WWP2: variants seen among roughly 807,000 people sequenced by gnomAD.
The protein encoded by WWP2 is NEDD4-like E3 ubiquitin-protein ligase WWP2.
Under a neutral mutation model 121.0 loss-of-function variants are expected in WWP2, and 57 were observed. The ratio of observed to expected loss-of-function variants is 0.47; its 90% CI spans 0.38 to 0.59. The LOEUF (loss-of-function observed/expected upper bound fraction) is 0.59, where lower values mean the gene tolerates loss of function less well. WWP2 is among the 20% of genes least tolerant of loss of function. WWP2 has a pLI of 0.00. For synonymous variants in WWP2, 449 were observed against 441.3 expected (o/e 1.02, Z -0.22); for missense variants, 962 against 1,158.9 (o/e 0.83, Z 2.47).
intron 7 of WWP2, among the ~76,000 whole-genome samples, chr16:69,874,567 CAA>C (rs955950187): frequency 2.6e-5 from 4 of 152,078 alleles, no homozygotes; most frequent in African/African-American, 7.2e-5. Flanking sequence ...TTTTATAAAA[CAA>C]GAGTGAATGG....
intron 10 of WWP2, among the ~76,000 whole-genome samples, chr16:69,922,593 C>T (rs1404555331): frequency 6.6e-6 from 1 of 152,238 alleles, no homozygotes. Context: ...AACACCTTGA[C>T]ATCTCTCATT....
chr16:69,927,128 CAT>C (rs1274291602), intron 11 of WWP2, among the ~76,000 whole-genome samples: 10 of 152,162 alleles, frequency 6.6e-5, no homozygotes, highest in Non-Finnish European at 1.5e-4. Context: ...ACAAAACTGT[CAT>C]AGTCTAGAAT....
intron 13 of WWP2, 21 bp downstream of exon 13, chr16:69,930,279 G>A: frequency 3.1e-6 from 5 of 1,612,128 alleles, no homozygotes; most frequent in Non-Finnish European, 4.2e-6. Flanking sequence ...TGTGCAGGTA[G>A]CAGCAGTGTC....
intron 1 of WWP2, among the ~76,000 whole-genome samples, chr16:69,764,188 C>A (rs1372619075): frequency 1.3e-5 from 2 of 152,172 alleles, no homozygotes; most frequent in East Asian, 3.8e-4. Flanking sequence ...TTTATTGACA[C>A]AATAGAAAAT....
rs369017046 is a variant in WWP2, at chr16:69,935,169, T to A, written c.1843-684T>A. The stretch of plus-strand genomic sequence containing the variant: ...TAGCTGGAGATGTTTCAATTCTCCT[T>A]TCCTTCGCTTCTTCCCCTGCCTTCC... On this transcript the variant is annotated intron_variant, in intron 17 of 23. Coordinates refer to ENST00000359154, the MANE Select transcript of WWP2 (RefSeq NM_001270454.2). This position sits in a 1 kb window ranked among gnomAD's most constrained non-coding sequence, Gnocchi z 5.2. Among the ~76,000 whole-genome samples, 188 of 152,282 alleles carry A rather than the reference T, an allele frequency of 1.2e-3. 1 individual carries two copies. Among genetic ancestry groups the A allele is most frequent in the African/African-American group, 4.4e-3 (183 of 41,566 alleles).
intron 6 of WWP2, among the ~76,000 whole-genome samples, chr16:69,855,133 C>T (rs964822984): frequency 4.6e-5 from 7 of 152,234 alleles, no homozygotes; most frequent in South Asian, 2.1e-4. Context: ...AGGCATGAGC[C>T]GCTGAGCCCC....
chr16:69,897,078 A>G (rs1035554104), intron 8 of WWP2, among the ~76,000 whole-genome samples: 2 of 151,700 alleles, frequency 1.3e-5, no homozygotes, highest in Non-Finnish European at 2.9e-5. Context: ...TGCATTTGCT[A>G]CAGGTCTCTC....
chr16:69,887,121 T>A (rs139189289), intron 7 of WWP2, among the ~76,000 whole-genome samples: 2 of 152,204 alleles, frequency 1.3e-5, no homozygotes, highest in Non-Finnish European at 2.9e-5. Context: ...ATCAAAGAGG[T>A]GAAGAGATGG....
chr16:69,872,750 G>A (rs911577512), intron 7 of WWP2, among the ~76,000 whole-genome samples: 3 of 152,164 alleles, frequency 2.0e-5, no homozygotes, highest in Non-Finnish European at 4.4e-5. Context: ...TCCCGATGGG[G>A]GCCCCATTTG....
chr16:69,815,618 C>G (rs570311744), intron 4 of WWP2, among the ~76,000 whole-genome samples: 82 of 151,956 alleles, frequency 5.4e-4, no homozygotes, highest in African/African-American at 1.9e-3. Flanking sequence ...AAACCCCCGT[C>G]TCTACTAAAA....
At position 69,940,015 on chromosome 16, in the gene WWP2, C is replaced by T. The variant is rs1039551204; in HGVS notation, c.*75C>T. 9 of 1,303,196 alleles carry T rather than the reference C, an allele frequency of 6.9e-6. No individual in the cohort carries two copies. Among genetic ancestry groups the T allele is most frequent in the South Asian group, 1.4e-5 (1 of 73,780 alleles). The allele number at this position is 1,303,196 out of a possible 1,614,324, so 80.7% of individuals were successfully genotyped here. A position where few individuals can be genotyped will look rare whatever the true frequency, so the allele number is the denominator to read the frequency against. The stretch of plus-strand genomic sequence containing the variant: ...TCCCTGCCTGAGAGGCCACTGGCCC[C>T]GCAGCCCTTGGGAGGCCCCCGTGGA... On this transcript the variant is annotated 3_prime_UTR_variant, in exon 24 of 24. Coordinates refer to ENST00000359154, the MANE Select transcript of WWP2 (RefSeq NM_001270454.2).
chr16:69,900,780 T>G (rs983224100), intron 8 of WWP2, among the ~76,000 whole-genome samples: 2 of 152,150 alleles, frequency 1.3e-5, no homozygotes, highest in African/African-American at 4.8e-5. Flanking sequence ...CGCCTTGGCC[T>G]CCCAAAGTGC....
chr16:69,849,162 A>G (rs1206132330), intron 6 of WWP2, among the ~76,000 whole-genome samples: 1 of 152,216 alleles, frequency 6.6e-6, no homozygotes, highest in Non-Finnish European at 1.5e-5. Context: ...GTGTGAGTCC[A>G]CTGTGAACAC....
At chr16:69,912,996 T>A (rs1012474371) in intron 9 of WWP2, among the ~76,000 whole-genome samples, 30 of 1,736 alleles carry the variant, frequency 0.017, no homozygotes, top group Non-Finnish European at 0.023. Context: ...ATATATATAT[T>A]TTTTTTTTTT....
chr16:69,791,507 C>T (rs188713840), intron 2 of WWP2, among the ~76,000 whole-genome samples: 6 of 151,992 alleles, frequency 3.9e-5, no homozygotes, highest in East Asian at 3.9e-4. Context: ...GGATTACAGG[C>T]GTAAGCCACT....
At chr16:69,796,253 T>C (rs1019036443) in intron 2 of WWP2, among the ~76,000 whole-genome samples, 8 of 152,190 alleles carry the variant, frequency 5.3e-5, no homozygotes, top group Non-Finnish European at 1.2e-4. Context: ...TGTATGTGTA[T>C]GAGCGCAGAT....
In WWP2 at chr16:69,940,297, A is replaced by G; in HGVS notation, c.*357A>G. On this transcript the variant is annotated 3_prime_UTR_variant, in exon 24 of 24. Transcript: ENST00000359154. The stretch of plus-strand genomic sequence containing the variant: ...CCCCAGGGGCTGCCGCAGAGGCCGG[A>G]GACCTCCTGGACTAGTTCGGCGAGG... 1 of 244,070 alleles carries G rather than the reference A, an allele frequency of 4.1e-6. No homozygotes were observed. The highest frequency in any genetic ancestry group is 7.9e-6 in the Non-Finnish European group (1 of 126,044). The allele number at this position is 244,070 out of a possible 1,614,324, so 15.1% of individuals were successfully genotyped here.
At chr16:69,842,888 C>T (rs945216842) in intron 6 of WWP2, among the ~76,000 whole-genome samples, 3 of 152,042 alleles carry the variant, frequency 2.0e-5, no homozygotes, top group Non-Finnish European at 4.4e-5. Context: ...AGGCTGGTCT[C>T]GAACTCCTGG....
chr16:69,915,854 G>A (rs368110705), intron 9 of WWP2, among the ~76,000 whole-genome samples: 1 of 151,996 alleles, frequency 6.6e-6, no homozygotes, highest in Non-Finnish European at 1.5e-5. Flanking sequence ...AGCCACACGG[G>A]GAGGCTTCCA....
Sources: allele counts gnomAD v4.1 joint callset (sites outside exome capture counted in the v4.1 genomes callset), GRCh38; gene constraint gnomAD v4.1.1; non-coding constraint Gnocchi (gnomAD v3.1); transcripts MANE v1.5; gene names NCBI Gene and HGNC (gene_info 2026-07-23, HGNC 2026-07-21).